The following TRABD2B variants were observed in gnomAD, a reference collection of about 807,000 sequenced individuals.
TRABD2B encodes the protein TraB domain containing 2B, also known as metalloprotease TIKI2.
In TRABD2B, 14 loss-of-function variants were observed where a neutral mutation model predicts 40.1. The observed-to-expected ratio is 0.35, with a 90% CI of 0.23 to 0.55. TRABD2B has a LOEUF of 0.55. TRABD2B is among the 20% of genes least tolerant of loss of function. The pLI is 0.90. For synonymous variants in TRABD2B, 263 were observed against 277.0 expected, an observed-to-expected ratio of 0.95 and a Z score of 0.50; for missense variants, 541 against 648.6, an observed-to-expected ratio of 0.83 and a Z score of 1.80.
chr1:47,980,738 A>T (rs1244808597), intron 2 of TRABD2B, among the ~76,000 whole-genome samples: 2 of 152,118 alleles, frequency 1.3e-5, no homozygotes, highest in Non-Finnish European at 2.9e-5. Flanking sequence ...CATCGCTTCA[A>T]CTGCCAAGGT....
intron 5 of TRABD2B, among the ~76,000 whole-genome samples, chr1:47,775,741 C>A (rs1489906802): frequency 6.6e-6 from 1 of 152,178 alleles, no homozygotes; most frequent in Non-Finnish European, 1.5e-5. Flanking sequence ...TCTCTGAGAG[C>A]TTACATTCCA....
intron 2 of TRABD2B, among the ~76,000 whole-genome samples, chr1:47,834,096 C>T (rs765040565): frequency 1.3e-4 from 20 of 152,206 alleles, no homozygotes; most frequent in Non-Finnish European, 1.9e-4. Flanking sequence ...CTTCAAAATC[C>T]CATTCCCAGA....
intron 2 of TRABD2B, among the ~76,000 whole-genome samples, chr1:47,931,270 T>C (rs1269019233): frequency 2.0e-5 from 3 of 152,198 alleles, no homozygotes; most frequent in Admixed American, 2.0e-4. Flanking sequence ...GAGTCCTAGA[T>C]TGTTCTAGAG....
At chr1:47,855,140 A>C (rs1643878579) in intron 2 of TRABD2B, among the ~76,000 whole-genome samples, 1 of 152,236 alleles carries the variant, frequency 6.6e-6, no homozygotes, top group Non-Finnish European at 1.5e-5. Context: ...ATTTAAAATG[A>C]AATATTTCAA....
At chr1:47,861,718 C>T (rs1178626611) in intron 2 of TRABD2B, among the ~76,000 whole-genome samples, 1 of 152,182 alleles carries the variant, frequency 6.6e-6, no homozygotes, top group South Asian at 2.1e-4. Flanking sequence ...GTCTCTAAAC[C>T]TCCTTCAGAA....
intron 4 of TRABD2B, among the ~76,000 whole-genome samples, chr1:47,791,548 C>A (rs765825739): frequency 6.6e-6 from 1 of 152,118 alleles, no homozygotes; most frequent in African/African-American, 2.4e-5. Context: ...CAATGGGCTG[C>A]GAGAGCCCAC....
At chr1:47,923,947 C>G (rs915317372) in intron 2 of TRABD2B, among the ~76,000 whole-genome samples, 1 of 151,358 alleles carries the variant, frequency 6.6e-6, no homozygotes, top group African/African-American at 2.4e-5. Flanking sequence ...CACACACACA[C>G]ACACACACAC....
intron 3 of TRABD2B, among the ~76,000 whole-genome samples, chr1:47,799,061 C>A (rs141925693): frequency 1.5e-3 from 222 of 152,360 alleles, no homozygotes; most frequent in Non-Finnish European, 2.5e-3. Flanking sequence ...TGGGAGACCT[C>A]TGAGGCAGTT....
At chr1:47,820,468 G>A (rs1164697299) in intron 2 of TRABD2B, among the ~76,000 whole-genome samples, 1 of 152,320 alleles carries the variant, frequency 6.6e-6, no homozygotes, top group East Asian at 1.9e-4. Flanking sequence ...CAGACCGTGG[G>A]ATATGCCTGG....
At chr1:47,985,120 C>T (rs957154960) in intron 2 of TRABD2B, among the ~76,000 whole-genome samples, 11 of 152,188 alleles carry the variant, frequency 7.2e-5, no homozygotes, top group East Asian at 3.9e-4. Context: ...AGAAAACTGA[C>T]GCACAGACAG....
chr1:47,852,179 C>T (rs1009626030), intron 2 of TRABD2B, among the ~76,000 whole-genome samples: 8 of 152,172 alleles, frequency 5.3e-5, no homozygotes, highest in Admixed American at 1.3e-4. Context: ...GAGAAACCTC[C>T]GGGGCTCTGG....
At chr1:47,941,878 G>A (rs1557670172) in intron 2 of TRABD2B, among the ~76,000 whole-genome samples, 1 of 152,208 alleles carries the variant, frequency 6.6e-6, no homozygotes, top group African/African-American at 2.4e-5. Context: ...TAGCCACCAG[G>A]TTTTAGTGTG....
intron 2 of TRABD2B, among the ~76,000 whole-genome samples, chr1:47,936,248 T>C (rs892474326): frequency 1.3e-5 from 2 of 152,246 alleles, no homozygotes; most frequent in African/African-American, 2.4e-5. Context: ...AATTGACTTC[T>C]TCATCATTTA....
chr1:47,876,543 G>A (rs1340362462), intron 2 of TRABD2B, among the ~76,000 whole-genome samples: 1 of 152,210 alleles, frequency 6.6e-6, no homozygotes, highest in Non-Finnish European at 1.5e-5. Context: ...TGGTGGTGGG[G>A]AGGGGCTAGG....
At chr1:47,943,553 G>A (rs566838489) in intron 2 of TRABD2B, among the ~76,000 whole-genome samples, 1 of 152,228 alleles carries the variant, frequency 6.6e-6, no homozygotes, top group East Asian at 1.9e-4. Context: ...GAGGTCCTTA[G>A]AAGGACAGGG....
At chr1:47,776,296 C>T (rs1287945940) in intron 5 of TRABD2B, among the ~76,000 whole-genome samples, 3 of 152,130 alleles carry the variant, frequency 2.0e-5, no homozygotes, top group African/African-American at 4.8e-5. Flanking sequence ...GTCCACAGCC[C>T]GGCTCCACAA....
At position 47,761,553 on chromosome 1, in the gene TRABD2B, G is replaced by A. The variant is rs1197610154; in HGVS notation, c.*4349C>T. The A allele has an allele frequency of 6.6e-6, 1 of 152,240 alleles. No homozygotes were observed. Among genetic ancestry groups the A allele is most frequent in the African/African-American group, 2.4e-5 (1 of 41,460 alleles). 9.4% of individuals were successfully genotyped at this position (152,240 alleles called of 1,614,324 possible). A position where few individuals can be genotyped will look rare whatever the true frequency, so the allele number is the denominator to read the frequency against. On this transcript the variant is annotated 3_prime_UTR_variant, in exon 7 of 7. Transcript: ENST00000606738. ...TGAACCTTACTGGTTTAGACAGCCA[G>A]CGGGGTGATTTTTTTTGGCTGCTCA...
At chr1:47,976,959 G>A (rs936715452) in intron 2 of TRABD2B, among the ~76,000 whole-genome samples, 1 of 152,080 alleles carries the variant, frequency 6.6e-6, no homozygotes, top group Non-Finnish European at 1.5e-5. Flanking sequence ...GGGAATTGAG[G>A]TTGATAACAA....
In TRABD2B at chr1:47,782,312, C is replaced by T. The variant is rs139895127; in HGVS notation, c.989-3768G>A. ...AGGCCCCCTGCTGTGACCTCCTAAA[C>T]GTGCTTGACTCTGGCCTAGGTCACC... On this transcript the variant is annotated intron_variant, in intron 4 of 6. Transcript: ENST00000606738. Among the ~76,000 whole-genome samples the T allele has an allele frequency of 2.3e-3, 344 of 152,322 alleles. 4 individuals are homozygous for T. Among genetic ancestry groups the T allele is most frequent in the African/African-American group, 7.9e-3 (328 of 41,576 alleles).
Sources: gnomAD v4.1 joint callset for allele counts (sites outside exome capture counted in the v4.1 genomes callset) on GRCh38, gnomAD v4.1.1 for gene constraint, MANE v1.5 for transcripts, NCBI Gene and HGNC (gene_info 2026-07-23, HGNC 2026-07-21) for gene names.